Variants in INTS7 observed in about 807,000 individuals in gnomAD.
The protein encoded by INTS7 is integrator complex subunit 7, also known as chromosome 1 open reading frame 73.
Under a neutral mutation model 109.2 loss-of-function variants are expected in INTS7, and 46 were observed. That is an observed-to-expected ratio of 0.42 (90% CI 0.33 to 0.54). The LOEUF is 0.54. INTS7 is among the 20% of genes least tolerant of loss of function. INTS7 has a pLI of 0.07. For synonymous variants in INTS7, 412 were observed against 402.9 expected (o/e 1.02, Z -0.27); for missense variants, 929 against 1,132.4 (o/e 0.82, Z 2.58).
At chr1:211,981,569 G>A (rs1664665872) in intron 9 of INTS7, among the ~76,000 whole-genome samples, 1 of 152,066 alleles carries the variant, frequency 6.6e-6, no homozygotes, top group African/African-American at 2.4e-5. Context: ...AATTATGCAG[G>A]TCCATTTTTA....
intron 4 of INTS7, among the ~76,000 whole-genome samples, chr1:212,014,745 G>A (rs1034895765): frequency 1.4e-4 from 21 of 152,068 alleles, no homozygotes; most frequent in Non-Finnish European, 2.5e-4. Context: ...GGGTTTCGCC[G>A]TGTTGGCCGG....
At chr1:212,026,873 A>G (rs1666946517) in intron 1 of INTS7, among the ~76,000 whole-genome samples, 2 of 152,254 alleles carry the variant, frequency 1.3e-5, no homozygotes, top group Admixed American at 6.5e-5. Context: ...TTGACAGAAT[A>G]TAATCATGTT....
At chr1:211,955,747 A>T (rs76775603) in intron 16 of INTS7, among the ~76,000 whole-genome samples, 8,936 of 152,312 alleles carry the variant, frequency 0.059, 295 homozygotes, top group Non-Finnish European at 0.073. Flanking sequence ...TCTGGGAAAC[A>T]GGCATCATTA....
In INTS7 at chr1:211,942,101, T is replaced by C; in HGVS notation, c.2612A>G (p.Asp871Gly). The C allele has an allele frequency of 1.9e-6, 3 of 1,613,450 alleles. No homozygotes were observed. Among genetic ancestry groups the C allele is most frequent in the Non-Finnish European group, 2.5e-6 (3 of 1,179,510 alleles). The change falls in exon 20 of 20, where the codon GAC becomes GGC. Residue 871 changes from aspartate to glycine, a missense_variant. By Grantham distance (94) the Asp-to-Gly change is moderately conservative. Around this residue, in one of 2 missense-constraint regions of INTS7, gnomAD observed 787 missense variants for 901.1 expected, o/e 0.87. Coordinates refer to ENST00000366994, the MANE Select transcript of INTS7 (RefSeq NM_015434.4). The surrounding 1 kb of genome is among the most constrained non-coding windows in gnomAD (Gnocchi z 4.2). ...KSGQDYKIPI[D>G]NMTNEMEQRV... ...TTGCTCCATCTCATTGGTCATGTTG[T>C]CAATGGGTATCTGCAATGAAACAAT...
intron 7 of INTS7, among the ~76,000 whole-genome samples, chr1:211,990,417 C>G (rs769390196): frequency 5.3e-4 from 80 of 152,236 alleles, no homozygotes; most frequent in Admixed American, 1.4e-3. Flanking sequence ...ATACACGTTT[C>G]CATATTGATG....
At position 212,016,903 on chromosome 1, in the gene INTS7, G is replaced by A; in HGVS notation, c.492C>T (p.Asn164=). The change falls in exon 4 of 20, where the codon AAC becomes AAT. Residue 164 remains asparagine, a synonymous_variant. Coordinates refer to ENST00000366994, the MANE Select transcript of INTS7 (RefSeq NM_015434.4). ...AAGCTTACTTTGACTGTGCAGAGAA[G>A]TTTGCAGCAGCAAAAACAGCAGCTT... ...EVEAAVFAAA[N]FSAQSKDFAV... 1 of 1,606,894 alleles carries A rather than the reference G, an allele frequency of 6.2e-7. No homozygotes were observed. Among genetic ancestry groups the A allele is most frequent in the Non-Finnish European group, 8.5e-7 (1 of 1,177,594 alleles).
At position 212,035,540 on chromosome 1, in the gene INTS7, G is replaced by T; in HGVS notation, c.-103C>A. On this transcript the variant is annotated 5_prime_UTR_variant, in exon 1 of 20. Coordinates refer to ENST00000366994, the MANE Select transcript of INTS7 (RefSeq NM_015434.4). The stretch of plus-strand genomic sequence containing the variant: ...CTTCTTGCTGGTTTTTCTTCCGCGC[G>T]CTGTCAAGCCCTGTTACGCATGCGC... 2.1e-6 allele frequency: 2 copies of T among 961,278 alleles called. No homozygotes were observed. Among genetic ancestry groups the T allele is most frequent in the Admixed American group, 1.9e-5 (1 of 53,776 alleles). 59.5% of individuals were successfully genotyped at this position (961,278 alleles called of 1,614,324 possible). A position where few individuals can be genotyped will look rare whatever the true frequency, so the allele number is the denominator to read the frequency against.
chr1:211,947,680 C>T (rs1007630455), intron 17 of INTS7, among the ~76,000 whole-genome samples: 6 of 152,180 alleles, frequency 3.9e-5, no homozygotes, highest in Admixed American at 3.3e-4. Flanking sequence ...CGCTTACAGG[C>T]TCCTGCTGAG....
intron 16 of INTS7, among the ~76,000 whole-genome samples, chr1:211,957,743 A>T (rs941178104): frequency 1.3e-5 from 2 of 152,204 alleles, no homozygotes; most frequent in Admixed American, 6.5e-5. Flanking sequence ...CTCTTATGGT[A>T]ACTGCTGTTT....
chr1:212,025,312 T>A (rs1402180943), intron 1 of INTS7, among the ~76,000 whole-genome samples: 2 of 152,050 alleles, frequency 1.3e-5, no homozygotes, highest in African/African-American at 2.4e-5. Flanking sequence ...AACAGATTGG[T>A]GGTAGCCAGG....
At chr1:212,007,737 T>G (rs1665992984) in intron 5 of INTS7, among the ~76,000 whole-genome samples, 1 of 152,186 alleles carries the variant, frequency 6.6e-6, no homozygotes, top group Non-Finnish European at 1.5e-5. Flanking sequence ...CTATTTCCTC[T>G]CATTGTCATA....
intron 19 of INTS7, among the ~76,000 whole-genome samples, chr1:211,943,467 C>A (rs1662718115): frequency 6.6e-6 from 1 of 152,112 alleles, no homozygotes; most frequent in African/African-American, 2.4e-5. Context: ...ATTCTCATTA[C>A]AACCTTCTGT....
chr1:211,951,253 A>G (rs536265712), intron 17 of INTS7, among the ~76,000 whole-genome samples: 1 of 152,258 alleles, frequency 6.6e-6, no homozygotes, highest in South Asian at 2.1e-4. Context: ...CCCCAAGGTA[A>G]TGGCATTTGG....
chr1:211,989,376 C>T (rs1665042967), intron 7 of INTS7, among the ~76,000 whole-genome samples: 1 of 149,850 alleles, frequency 6.7e-6, no homozygotes, highest in Admixed American at 6.6e-5. Context: ...AAACTATATC[C>T]CTGTTTTTTT....
intron 5 of INTS7, among the ~76,000 whole-genome samples, chr1:212,010,306 G>T (rs1666112790): frequency 6.6e-6 from 1 of 152,160 alleles, no homozygotes; most frequent in South Asian, 2.1e-4. Flanking sequence ...TATGACACGT[G>T]TATTAACCCT....
intron 5 of INTS7, among the ~76,000 whole-genome samples, chr1:212,008,456 C>A (rs961767656): frequency 6.6e-5 from 10 of 152,112 alleles, no homozygotes; most frequent in Non-Finnish European, 1.5e-4. Context: ...TGTCTGTCTA[C>A]GCTTTAATTT....
chr1:211,996,685 G>A (rs956302193), intron 7 of INTS7, among the ~76,000 whole-genome samples: 5 of 152,038 alleles, frequency 3.3e-5, no homozygotes, highest in African/African-American at 1.2e-4. Flanking sequence ...AAATATTTAG[G>A]AATGTATCTA....
chr1:211,960,137 G>A (rs1437297512), intron 16 of INTS7, among the ~76,000 whole-genome samples: 1 of 152,144 alleles, frequency 6.6e-6, no homozygotes, highest in East Asian at 1.9e-4. Flanking sequence ...AGGAGCCAGA[G>A]AACAAAGTTG....
chr1:212,004,727 G>A (rs1203824840), intron 7 of INTS7, among the ~76,000 whole-genome samples: 8 of 152,040 alleles, frequency 5.3e-5, no homozygotes, highest in African/African-American at 1.7e-4. Context: ...AAATAACTAT[G>A]AATCAACAGA....
Sources: gnomAD v4.1 joint callset for allele counts (sites outside exome capture counted in the v4.1 genomes callset) on GRCh38, gnomAD v4.1.1 for gene constraint, gnomAD v4.1.1 regional missense constraint, Gnocchi (gnomAD v3.1) non-coding constraint, MANE v1.5 for transcripts, NCBI Gene and HGNC (gene_info 2026-07-23, HGNC 2026-07-21) for gene names.